The following MAGI1 variants were observed in gnomAD, a reference collection of about 807,000 sequenced individuals.
MAGI1 encodes membrane associated guanylate kinase, WW and PDZ domain containing 1.
A neutral mutation model predicts 139.9 loss-of-function variants in MAGI1; 58 were observed. The observed-to-expected ratio is 0.41, with a 90% confidence interval of 0.34 to 0.52. The LOEUF is 0.52. Ranked by LOEUF, MAGI1 falls within the 20% of genes least tolerant of loss-of-function variation. The probability of loss-of-function intolerance (pLI) is 0.12; values close to 1 mark genes in which losing one functional copy is unlikely to be tolerated. For synonymous variants in MAGI1, 812 were observed against 737.9 expected (o/e 1.10, Z -1.63); for missense variants, 1,874 against 1,901.6 (o/e 0.99, Z 0.27).
At chr3:65,859,985 T>G (rs2059500138) in intron 1 of MAGI1, among the ~76,000 whole-genome samples, 1 of 151,580 alleles carries the variant, frequency 6.6e-6, no homozygotes, top group African/African-American at 2.4e-5. Context: ...AACCTCTGCC[T>G]CCGGGGTTCA....
At chr3:65,627,016 T>C (rs1345283224) in intron 1 of MAGI1, among the ~76,000 whole-genome samples, 1 of 152,178 alleles carries the variant, frequency 6.6e-6, no homozygotes, top group Admixed American at 6.5e-5. Flanking sequence ...AAAGAGAACA[T>C]AGGTCAGAAA....
At chr3:65,569,249 A>C (rs1455891308) in intron 2 of MAGI1, among the ~76,000 whole-genome samples, 2 of 152,218 alleles carry the variant, frequency 1.3e-5, no homozygotes, top group African/African-American at 2.4e-5. Flanking sequence ...TGGAGACAGA[A>C]AGGAGAATTG....
chr3:65,452,331 CA>C (rs1052380846), intron 6 of MAGI1, among the ~76,000 whole-genome samples: 3 of 152,004 alleles, frequency 2.0e-5, no homozygotes, highest in Non-Finnish European at 4.4e-5. Context: ...CTTGCATTTT[CA>C]AAAAATCTTC....
intron 1 of MAGI1, among the ~76,000 whole-genome samples, chr3:65,877,240 G>T (rs944046279): frequency 6.6e-6 from 1 of 152,134 alleles, no homozygotes; most frequent in Non-Finnish European, 1.5e-5. Context: ...AAATTAAGTA[G>T]TTTTTGACAT....
At chr3:65,543,640 C>G (rs1224731547) in intron 2 of MAGI1, among the ~76,000 whole-genome samples, 2 of 152,050 alleles carry the variant, frequency 1.3e-5, no homozygotes, top group Admixed American at 1.3e-4. Context: ...TCTCAGCAAA[C>G]TAACACAGAA....
chr3:65,426,704 G>A (rs1947069679), intron 12 of MAGI1, among the ~76,000 whole-genome samples: 1 of 152,182 alleles, frequency 6.6e-6, no homozygotes, highest in South Asian at 2.1e-4. Context: ...CCTGATTCAA[G>A]CAACTAATGT....
intron 1 of MAGI1, among the ~76,000 whole-genome samples, chr3:65,718,290 G>T (rs528274764): frequency 7.9e-5 from 12 of 152,196 alleles, no homozygotes; most frequent in African/African-American, 2.9e-4. Flanking sequence ...CTGGACCTAA[G>T]AGATAGCTTC....
At chr3:65,422,595 C>T (rs12493510) in intron 12 of MAGI1, among the ~76,000 whole-genome samples, 22,359 of 152,148 alleles carry the variant, frequency 0.15, 1,854 homozygotes, top group Middle Eastern at 0.19. Flanking sequence ...ATGGACTAGG[C>T]ACCATTTTAG....
chr3:65,473,639 C>CA (rs35970775), intron 4 of MAGI1, among the ~76,000 whole-genome samples: 38,132 of 87,778 alleles, frequency 0.43, 8,732 homozygotes, highest in East Asian at 0.76. Context: ...TACATGTTTA[C>CA]AAAAAAAAAA....
rs1943225046 is a variant in MAGI1 at position 65,383,608 on chromosome 3, T to C, written c.2432A>G (p.Glu811Gly). ...MYENRLPDYQ[E>G]QDIFLWRKET... ...TTTTCTCCAGAGGAAGATGTCCTGTTCCTGGTAATCTGGAACTGCAGAGAG... is the reference window on the plus strand; with the variant it reads ...TTTTCTCCAGAGGAAGATGTCCTGTCCCTGGTAATCTGGAACTGCAGAGAG... Residue 811 changes from glutamate to glycine, a missense_variant, in exon 15 of 23, where the codon GAA becomes GGA. Around this residue, in one of 5 missense-constraint regions of MAGI1, gnomAD observed 482 missense variants for 509.6 expected, o/e 0.95. Coordinates refer to ENST00000402939, the MANE Select transcript of MAGI1 (RefSeq NM_001033057.2). 1 of 1,612,484 alleles carries C rather than the reference T, an allele frequency of 6.2e-7. No homozygotes were observed. Among genetic ancestry groups the C allele is most frequent in the Non-Finnish European group, 8.5e-7 (1 of 1,178,604 alleles).
intron 1 of MAGI1, chr3:65,874,832 T>C (rs367964530): frequency 5.9e-5 from 9 of 152,612 alleles, no homozygotes; most frequent in African/African-American, 2.2e-4. Context: ...TTACTCACCA[T>C]AGCCAAAAAC....
chr3:65,861,599 T>G lies in MAGI1; in HGVS notation c.313+176397A>C, dbSNP rs76500451. On this transcript the variant is annotated intron_variant, in intron 1 of 22. Coordinates refer to ENST00000402939, the MANE Select transcript of MAGI1 (RefSeq NM_001033057.2). Reference sequence around the variant, plus strand: ...AATAAAGATGGGTAACAGTGCAGCATGAACAGAGAAGAGGGAAATCCATCT... The same window carrying G: ...AATAAAGATGGGTAACAGTGCAGCAGGAACAGAGAAGAGGGAAATCCATCT... Among the ~76,000 whole-genome samples the G allele has an allele frequency of 7.1e-3, 1,086 of 152,236 alleles. 15 individuals are homozygous for G. The highest frequency in any genetic ancestry group is 0.025 in the African/African-American group (1,034 of 41,520).
chr3:65,610,765 C>CTATATATAT, intron 2 of MAGI1, among the ~76,000 whole-genome samples: 1 of 27,048 alleles, frequency 3.7e-5, no homozygotes, highest in Non-Finnish European at 1.3e-4. Context: ...ATATATATAG[C>CTATATATAT]ATATATATAT....
intron 2 of MAGI1, among the ~76,000 whole-genome samples, chr3:65,607,556 A>G (rs1407335180): frequency 6.6e-6 from 1 of 152,234 alleles, no homozygotes; most frequent in African/African-American, 2.4e-5. Flanking sequence ...TGCAAATGAA[A>G]AAAAACTGAG....
At chr3:65,487,744 C>T (rs561555449) in intron 3 of MAGI1, among the ~76,000 whole-genome samples, 127 of 152,170 alleles carry the variant, frequency 8.3e-4, no homozygotes, top group Non-Finnish European at 1.7e-3. Context: ...TGCATAACAT[C>T]CTCTTTGGGA....
At chr3:65,554,604 T>C (rs2080000348) in intron 2 of MAGI1, among the ~76,000 whole-genome samples, 1 of 152,182 alleles carries the variant, frequency 6.6e-6, no homozygotes, top group African/African-American at 2.4e-5. Context: ...CCAGAATAGA[T>C]ACTTTTAGGC....
At position 65,851,698 on chromosome 3, in the gene MAGI1, G is replaced by A. The variant is rs57547372; in HGVS notation, c.313+186298C>T. Among the ~76,000 whole-genome samples the A allele has an allele frequency of 9.7e-3, 1,470 of 152,140 alleles. 30 individuals carry two copies. The highest frequency in any genetic ancestry group is 0.033 in the African/African-American group (1,387 of 41,514). On this transcript the variant is annotated intron_variant, in intron 1 of 22. Coordinates refer to ENST00000402939, the MANE Select transcript of MAGI1 (RefSeq NM_001033057.2). ...CAGGAGGTAGAGGCTGCAGTGAGCC[G>A]AGATGGTGCCACTGCACTCCAGCCT...
chr3:65,470,018 T>C (rs1355354710), intron 5 of MAGI1: 1 of 172,340 alleles, frequency 5.8e-6, no homozygotes, highest in Non-Finnish European at 1.2e-5. Flanking sequence ...CTTTGAATAT[T>C]ATGTCATAAT....
chr3:65,769,022 AAATAG>A (rs1325983010), intron 1 of MAGI1, among the ~76,000 whole-genome samples: 3 of 152,294 alleles, frequency 2.0e-5, no homozygotes, highest in Non-Finnish European at 4.4e-5. Context: ...TTGGTAACTT[AAATAG>A]ATGAATTTCA....
Sources: allele counts gnomAD v4.1 joint callset (sites outside exome capture counted in the v4.1 genomes callset), GRCh38; gene constraint gnomAD v4.1.1; regional missense constraint gnomAD v4.1.1; transcripts MANE v1.5; gene names NCBI Gene and HGNC (gene_info 2026-07-23, HGNC 2026-07-21).